The following LRRTM3 variants were observed in gnomAD, a reference collection of about 807,000 sequenced individuals.
The protein encoded by LRRTM3 is leucine rich repeat transmembrane neuronal 3, also known as leucine-rich repeat transmembrane neuronal protein 3.
Under a neutral mutation model 44.7 loss-of-function variants are expected in LRRTM3, and 24 were observed. The ratio of observed to expected loss-of-function variants is 0.54; its 90% CI spans 0.39 to 0.76. The LOEUF (loss-of-function observed/expected upper bound fraction) is 0.76, where lower values mean the gene tolerates loss of function less well. Among genes scored for constraint, LRRTM3 ranks in the 30% least tolerant of loss-of-function variants. The probability of loss-of-function intolerance (pLI) is 0.00; values close to 1 mark genes in which losing one functional copy is unlikely to be tolerated. For synonymous variants in LRRTM3, 277 were observed against 278.7 expected (o/e 0.99, Z 0.06); for missense variants, 587 against 702.2 (o/e 0.84, Z 1.85).
chr10:67,011,658 G>A (rs1852348337), intron 2 of LRRTM3, among the ~76,000 whole-genome samples: 1 of 152,114 alleles, frequency 6.6e-6, no homozygotes, highest in Non-Finnish European at 1.5e-5. Context: ...TAATGATGAT[G>A]ATAATGATGA....
At chr10:67,041,854 G>T (rs903312527) in intron 2 of LRRTM3, among the ~76,000 whole-genome samples, 3 of 152,120 alleles carry the variant, frequency 2.0e-5, no homozygotes, top group Non-Finnish European at 4.4e-5. Context: ...GGTTAAGATA[G>T]GAAATAAGGC....
At chr10:67,078,563 C>G (rs954161311) in intron 2 of LRRTM3, among the ~76,000 whole-genome samples, 7 of 152,028 alleles carry the variant, frequency 4.6e-5, no homozygotes, top group African/African-American at 1.5e-4. Flanking sequence ...GTCGCCCAGG[C>G]TGGAGTGCAG....
At chr10:67,034,102 G>C (rs539475564) in intron 2 of LRRTM3, among the ~76,000 whole-genome samples, 2 of 152,190 alleles carry the variant, frequency 1.3e-5, no homozygotes, top group African/African-American at 4.8e-5. Context: ...AAAATAAGCT[G>C]ACACATTGTT....
In LRRTM3 at chr10:66,928,185, C is replaced by T. The variant is rs1185346204; in HGVS notation, c.1269C>T (p.Gly423=). ...TCTCTTTCCATAAAATCATCGCGGGCAGCGTGGCGCTTTTCCTGTCCGTGC... is the reference window on the plus strand; with the variant it reads ...TCTCTTTCCATAAAATCATCGCGGGTAGCGTGGCGCTTTTCCTGTCCGTGC... ...EHISFHKIIA[G]SVALFLSVLV... is the part of the protein sequence containing the mutation. Residue 423 remains glycine, a synonymous_variant, in exon 2 of 3, where the codon GGC becomes GGT. Transcript: ENST00000361320. The T allele has an allele frequency of 5.0e-6, 8 of 1,613,990 alleles. No individual in the cohort carries two copies. The highest frequency in any genetic ancestry group is 1.1e-5 in the South Asian group (1 of 91,088).
intron 2 of LRRTM3, among the ~76,000 whole-genome samples, chr10:67,027,699 G>C (rs1242809533): frequency 6.6e-6 from 1 of 151,864 alleles, no homozygotes; most frequent in African/African-American, 2.4e-5. Context: ...AAAGTGCTGG[G>C]ATTACAGGCA....
intron 2 of LRRTM3, among the ~76,000 whole-genome samples, chr10:66,949,960 C>A (rs1848453542): frequency 6.6e-6 from 1 of 152,186 alleles, no homozygotes; most frequent in Admixed American, 6.5e-5. Flanking sequence ...CTTCACAGCT[C>A]AGAAAGTTCT....
chr10:67,030,772 G>A (rs780129941), intron 2 of LRRTM3, among the ~76,000 whole-genome samples: 17 of 152,136 alleles, frequency 1.1e-4, no homozygotes, highest in Non-Finnish European at 2.1e-4. Context: ...TTGGGAGGCC[G>A]AGGTGGGCAG....
intron 2 of LRRTM3, among the ~76,000 whole-genome samples, chr10:67,053,933 T>C (rs1057380985): frequency 5.9e-5 from 9 of 152,168 alleles, no homozygotes. Flanking sequence ...AATGAGACTC[T>C]GGCTAACCTT....
chr10:67,033,793 C>G (rs890210898), intron 2 of LRRTM3, among the ~76,000 whole-genome samples: 1 of 151,920 alleles, frequency 6.6e-6, no homozygotes. Flanking sequence ...TTTTTTTGGA[C>G]GAAGTCTCAC....
chr10:67,002,410 T>A (rs573784762), intron 2 of LRRTM3, among the ~76,000 whole-genome samples: 1 of 152,266 alleles, frequency 6.6e-6, no homozygotes, highest in East Asian at 1.9e-4. Flanking sequence ...AGAAATGTTT[T>A]AATTTTTAAT....
intron 2 of LRRTM3, among the ~76,000 whole-genome samples, chr10:67,038,979 T>C (rs1854234327): frequency 6.6e-6 from 1 of 152,132 alleles, no homozygotes; most frequent in Non-Finnish European, 1.5e-5. Context: ...ATATTAATTT[T>C]TCAGGCATAA....
At chr10:67,065,997 C>G (rs982435397) in intron 2 of LRRTM3, among the ~76,000 whole-genome samples, 1 of 151,698 alleles carries the variant, frequency 6.6e-6, no homozygotes, top group Non-Finnish European at 1.5e-5. Context: ...CATATTTTGA[C>G]AAAATATTAT....
intron 2 of LRRTM3, among the ~76,000 whole-genome samples, chr10:67,043,672 C>T (rs1433667710): frequency 6.6e-6 from 1 of 152,014 alleles, no homozygotes. Context: ...GTAATGCCTA[C>T]CCTTTAATCT....
At position 66,927,482 on chromosome 10, in the gene LRRTM3, G is replaced by C; in HGVS notation, c.566G>C (p.Gly189Ala). ...CGCAACCTGGAACTTTTGGACCTGGGATATAACCGGATCCGAAGTTTAGCC... is the reference window on the plus strand; with the variant it reads ...CGCAACCTGGAACTTTTGGACCTGGCATATAACCGGATCCGAAGTTTAGCC... ...DCRNLELLDL[G>A]YNRIRSLARN... is the part of the protein sequence containing the mutation. The change falls in exon 2 of 3, where the codon GGA becomes GCA. Residue 189 changes from glycine (G) to alanine (A), a missense_variant. Gly to Ala is a moderately conservative substitution (Grantham distance 60, BLOSUM62 0). Transcript: ENST00000361320. This position sits in a 1 kb window ranked among gnomAD's most constrained non-coding sequence, Gnocchi z 4.7. 6.2e-7 allele frequency: 1 copy of C among 1,614,076 alleles called. No homozygotes were observed. Among genetic ancestry groups the C allele is most frequent in the Non-Finnish European group, 8.5e-7 (1 of 1,180,018 alleles).
At chr10:66,938,862 A>T (rs1847855745) in intron 2 of LRRTM3, among the ~76,000 whole-genome samples, 1 of 152,152 alleles carries the variant, frequency 6.6e-6, no homozygotes, top group Admixed American at 6.5e-5. Context: ...CTGCGAATAC[A>T]CCTTCATTTT....
chr10:66,980,267 T>C (rs1163369196), intron 2 of LRRTM3, among the ~76,000 whole-genome samples: 1 of 152,202 alleles, frequency 6.6e-6, no homozygotes, highest in African/African-American at 2.4e-5. Context: ...GTTCCTTGTC[T>C]CTTCTCCTAA....
intron 2 of LRRTM3, among the ~76,000 whole-genome samples, chr10:67,076,004 A>C (rs1856727771): frequency 6.6e-6 from 1 of 152,170 alleles, no homozygotes; most frequent in African/African-American, 2.4e-5. Context: ...AGAATGATAG[A>C]ATTTACCAGT....
intron 2 of LRRTM3, among the ~76,000 whole-genome samples, chr10:67,016,191 C>A (rs117323380): frequency 6.6e-6 from 1 of 152,084 alleles, no homozygotes; most frequent in Non-Finnish European, 1.5e-5. Context: ...CCTTTCTGAT[C>A]GCTACTCCTC....
chr10:67,050,121 C>T (rs538457809), intron 2 of LRRTM3, among the ~76,000 whole-genome samples: 2 of 152,252 alleles, frequency 1.3e-5, no homozygotes, highest in Admixed American at 6.5e-5. Context: ...TTCCATTGCC[C>T]GGATTTCTTG....
Sources: allele counts gnomAD v4.1 joint callset (sites outside exome capture counted in the v4.1 genomes callset), GRCh38; gene constraint gnomAD v4.1.1; non-coding constraint Gnocchi (gnomAD v3.1); transcripts MANE v1.5; gene names NCBI Gene and HGNC (gene_info 2026-07-23, HGNC 2026-07-21).